PRDM16: variants seen among roughly 807,000 people sequenced by gnomAD.
PRDM16 encodes PR/SET domain 16, also known as histone-lysine N-methyltransferase PRDM16.
In PRDM16, 23 loss-of-function variants were observed where a neutral mutation model predicts 110.6. That is an observed-to-expected ratio of 0.21 (90% CI 0.15 to 0.29). PRDM16 has a LOEUF of 0.29. PRDM16 is among the 10% of genes least tolerant of loss of function. PRDM16 has a pLI of 1.00. For missense variants in PRDM16, 1,615 were observed against 1,794.3 expected (o/e 0.90, Z 1.81); for synonymous variants, 799 against 781.8 (o/e 1.02, Z -0.37).
chr1:3,104,762 C>T (rs888958584), intron 1 of PRDM16, among the ~76,000 whole-genome samples: 25 of 152,202 alleles, frequency 1.6e-4, no homozygotes, highest in African/African-American at 5.8e-4. Context: ...CCTCGCTGTG[C>T]ATTCCTGGGC....
intron 6 of PRDM16, among the ~76,000 whole-genome samples, chr1:3,403,224 C>T (rs1332090789): frequency 2.6e-5 from 4 of 152,316 alleles, no homozygotes; most frequent in South Asian, 2.1e-4. Flanking sequence ...TGGCCAGAGC[C>T]GCAGGTGTCC....
chr1:3,266,080 A>G (rs1192038067), intron 3 of PRDM16, among the ~76,000 whole-genome samples: 1 of 152,110 alleles, frequency 6.6e-6, no homozygotes, highest in Non-Finnish European at 1.5e-5. Context: ...GTCAGCAAGA[A>G]CCCTGTGAGC....
chr1:3,380,115 G>A (rs556327254), intron 3 of PRDM16, among the ~76,000 whole-genome samples: 5 of 143,672 alleles, frequency 3.5e-5, no homozygotes, highest in South Asian at 2.3e-4. Flanking sequence ...TCCCCTCCCC[G>A]TGCACCCTCT....
chr1:3,417,831 T>C lies in PRDM16; in HGVS notation c.2695T>C (p.Ser899Pro). Residue 899 changes from serine (S) to proline (P), a missense_variant, in exon 11 of 17, where the codon TCA (serine) becomes CCA (proline). Around this residue, in one of 5 missense-constraint regions of PRDM16, gnomAD observed 772 missense variants for 748.3 expected, o/e 1.03. Transcript: ENST00000270722. ...PSPLLFHPQM[S>P]AIETMTEKLE... ...CCTCCCACTCTTATGCCTACAGATG[T>C]CAGCCATAGAGACCATGACAGAGAA... The C allele has an allele frequency of 6.2e-7, 1 of 1,613,592 alleles. No individual in the cohort carries two copies. The highest frequency in any genetic ancestry group is 8.5e-7 in the Non-Finnish European group (1 of 1,179,802).
intron 3 of PRDM16, among the ~76,000 whole-genome samples, chr1:3,286,416 T>G (rs1477866635): frequency 6.6e-6 from 1 of 152,048 alleles, no homozygotes; most frequent in East Asian, 1.9e-4. Context: ...TCCGGAATCT[T>G]CCAGCCCTGG....
intron 14 of PRDM16, among the ~76,000 whole-genome samples, chr1:3,428,897 A>AG (rs749800597): frequency 4.3e-4 from 66 of 152,384 alleles, no homozygotes; most frequent in Non-Finnish European, 7.3e-5. Context: ...CCTCTTAAAA[A>AG]GGGGGCACTT....
At position 3,181,474 on chromosome 1, in the gene PRDM16, GCA is replaced by G. The variant is rs1447399060; in HGVS notation, c.38-4650_38-4649del. On this transcript the variant is annotated intron_variant, in intron 1 of 16. Coordinates refer to ENST00000270722, the MANE Select transcript of PRDM16 (RefSeq NM_022114.4). Reference sequence around the variant, plus strand: ...CGGTCTTACACACGGTCTTACACACGCAGTCTTACACACAGCCTTACGCATGG... The same window carrying G: ...CGGTCTTACACACGGTCTTACACACGGTCTTACACACAGCCTTACGCATGG... Among the ~76,000 whole-genome samples the G allele has an allele frequency of 8.2e-3, 268 of 32,780 alleles. 96 individuals carry two copies. Among genetic ancestry groups the G allele is most frequent in the Non-Finnish European group, 0.016 (170 of 10,700 alleles). The allele number at this position is 32,780 out of a possible 152,430, so 21.5% of individuals were successfully genotyped here. A position where few individuals can be genotyped will look rare whatever the true frequency, so the allele number is the denominator to read the frequency against.
At position 3,175,330 on chromosome 1, in the gene PRDM16, A is replaced by G. The variant is rs1252821893; in HGVS notation, c.38-10795A>G. 6.6e-6 allele frequency among the ~76,000 whole-genome samples: 1 copy of G among 152,188 alleles called. No homozygotes were observed. The highest frequency in any genetic ancestry group is 1.5e-5 in the Non-Finnish European group (1 of 68,026). On this transcript the variant is annotated intron_variant, in intron 1 of 16. Transcript: ENST00000270722. This position sits in a 1 kb window ranked among gnomAD's most constrained non-coding sequence, Gnocchi z 4.8. ...ATACTCGGCAGAGATGTAGGTGTAC[A>G]GAATCCTCTGTGAGGAATGGGAACA...
rs192371170 is a variant in PRDM16, at chr1:3,416,523, C to T, written c.2692-1305C>T. On this transcript the variant is annotated intron_variant, in intron 10 of 16. Transcript: ENST00000270722. ...CTTCTCCTCACCCCCACACCCATTC[C>T]GTGGAGGCTGGGTGCCAAGGACCGG... 2.3e-3 allele frequency among the ~76,000 whole-genome samples: 352 copies of T among 152,316 alleles called. 1 individual carries two copies. The highest frequency in any genetic ancestry group is 4.1e-3 in the Non-Finnish European group (282 of 68,016).
chr1:3,407,052 C>T (rs2483224), intron 8 of PRDM16, among the ~76,000 whole-genome samples: 16,603 of 152,248 alleles, frequency 0.11, 1,184 homozygotes, highest in African/African-American at 0.19. Context: ...GGGCCTGGCT[C>T]CTGGCCCCCG....
chr1:3,104,248 G>A (rs945769244), intron 1 of PRDM16, among the ~76,000 whole-genome samples: 5 of 152,212 alleles, frequency 3.3e-5, no homozygotes, highest in Admixed American at 3.3e-4. Context: ...CCAGGAGGCG[G>A]CCTCCCAGAG....
intron 3 of PRDM16, chr1:3,307,841 G>A (rs1043449052): frequency 6.6e-6 from 1 of 152,156 alleles, no homozygotes; most frequent in South Asian, 2.1e-4. Flanking sequence ...TAATCTTGCT[G>A]GAGAACATAC....
intron 3 of PRDM16, among the ~76,000 whole-genome samples, chr1:3,320,106 G>A (rs759551145): frequency 2.6e-5 from 4 of 152,164 alleles, no homozygotes; most frequent in East Asian, 3.9e-4. Context: ...ATATAGAACC[G>A]GGCAGGGTGT....
At position 3,437,796 on chromosome 1, in the gene PRDM16, C is replaced by T. The variant is rs1414767661; in HGVS notation, c.*3985C>T. ...ATAAAAGGCAGCTTGAGTTTCCAAA[C>T]GTGTGATTCACTTGTGAACAAAAGT... On this transcript the variant is annotated 3_prime_UTR_variant, in exon 17 of 17. Coordinates refer to ENST00000270722, the MANE Select transcript of PRDM16 (RefSeq NM_022114.4). The T allele has an allele frequency of 2.8e-5, 6 of 218,160 alleles. No homozygotes were observed. Among genetic ancestry groups the T allele is most frequent in the East Asian group, 6.7e-5 (1 of 14,922 alleles). The allele number at this position is 218,160 out of a possible 1,614,324, so 13.5% of individuals were successfully genotyped here.
intron 1 of PRDM16, among the ~76,000 whole-genome samples, chr1:3,153,195 C>A (rs964807805): frequency 2.0e-5 from 3 of 152,218 alleles, no homozygotes; most frequent in African/African-American, 7.2e-5. Flanking sequence ...CTGCAGCCCT[C>A]CTCACCCCTG....
chr1:3,173,085 C>A (rs1394365822), intron 1 of PRDM16, among the ~76,000 whole-genome samples: 3 of 152,208 alleles, frequency 2.0e-5, no homozygotes, highest in Non-Finnish European at 4.4e-5. Context: ...TAAGGAGAGG[C>A]ACCCCGCTCT....
chr1:3,107,692 G>A (rs78494493), intron 1 of PRDM16, among the ~76,000 whole-genome samples: 100 of 152,280 alleles, frequency 6.6e-4, no homozygotes, highest in African/African-American at 2.2e-3. Context: ...CCTCCTCACT[G>A]GACCAGTGAC....
At chr1:3,082,646 A>G (rs902997941) in intron 1 of PRDM16, among the ~76,000 whole-genome samples, 8 of 152,132 alleles carry the variant, frequency 5.3e-5, no homozygotes, top group East Asian at 1.9e-4. Context: ...GTTGGGGGCC[A>G]ATGCCCAGCA....
intron 1 of PRDM16, among the ~76,000 whole-genome samples, chr1:3,182,220 C>T (rs1644219037): frequency 6.6e-6 from 1 of 152,252 alleles, no homozygotes; most frequent in African/African-American, 2.4e-5. Context: ...CCCTTGTACT[C>T]CCTCTGGCCA....
Sources: allele counts gnomAD v4.1 joint callset (sites outside exome capture counted in the v4.1 genomes callset), GRCh38; gene constraint gnomAD v4.1.1; regional missense constraint gnomAD v4.1.1; non-coding constraint Gnocchi (gnomAD v3.1); transcripts MANE v1.5; gene names NCBI Gene and HGNC (gene_info 2026-07-23, HGNC 2026-07-21).